The following ABL1 variants were observed in gnomAD, a reference collection of about 807,000 sequenced individuals.
ABL1 encodes tyrosine-protein kinase ABL1.
In ABL1, 11 loss-of-function variants were observed where a neutral mutation model predicts 94.7. The observed-to-expected ratio is 0.12, with a 90% CI of 0.07 to 0.19. The LOEUF is 0.19. ABL1 is among the 10% of genes least tolerant of loss of function. ABL1 has a pLI of 1.00. For missense variants in ABL1, 1,082 were observed against 1,489.4 expected (o/e 0.73, Z 4.50); for synonymous variants, 656 against 622.4 (o/e 1.05, Z -0.80).
At chr9:130,778,735 C>T (rs1304874275) in intron 1 of ABL1, among the ~76,000 whole-genome samples, 2 of 151,222 alleles carry the variant, frequency 1.3e-5, no homozygotes, top group African/African-American at 2.4e-5. Flanking sequence ...TGGTTTATAC[C>T]TTTTTTACTC....
intron 4 of ABL1, among the ~76,000 whole-genome samples, chr9:130,868,116 C>T (rs773097912): frequency 2.0e-4 from 30 of 152,102 alleles, no homozygotes; most frequent in African/African-American, 5.3e-4. Context: ...CCTGCGACCA[C>T]GCCGGCTAAT....
In ABL1 at chr9:130,784,046, G is replaced by C. The variant is rs189199882; in HGVS notation, c.136+69591G>C. 1.2e-3 allele frequency among the ~76,000 whole-genome samples: 181 copies of C among 152,244 alleles called. 2 individuals are homozygous for C. The Middle Eastern group carries it at 0.014, about 11-fold the overall frequency. ...CTTGATAAACAGTAAGTCCCATCTT[G>C]CTAGTTTCTTCTGTATTTCTCCAGG... On this transcript the variant is annotated intron_variant, in intron 1 of 10. Transcript: ENST00000372348.
At position 130,851,090 on chromosome 9, in the gene ABL1, A is replaced by AT. The variant is rs572144792; in HGVS notation, c.80-2967dup. Among the ~76,000 whole-genome samples, 26 of 151,498 alleles carry AT rather than the reference A, an allele frequency of 1.7e-4. No homozygotes were observed. In the South Asian group the frequency reaches 4.4e-3, roughly 26 times the overall value. On this transcript the variant is annotated intron_variant, in intron 1 of 10. Coordinates refer to ENST00000318560, the MANE Select transcript of ABL1 (RefSeq NM_005157.6). ...AGGTGCCCGCCACCACGCCCAGCTAATTTTTTTGTATTTTTAGTAGAGACG... is the reference window on the plus strand; with the variant it reads ...AGGTGCCCGCCACCACGCCCAGCTAATTTTTTTTGTATTTTTAGTAGAGACG...
At chr9:130,803,089 G>C (rs992253550) in intron 1 of ABL1, among the ~76,000 whole-genome samples, 1 of 152,006 alleles carries the variant, frequency 6.6e-6, no homozygotes, top group South Asian at 2.1e-4. Flanking sequence ...ACCCAGGCTG[G>C]AGTGCAATGG....
chr9:130,797,555 A>G (rs1829996339), intron 1 of ABL1, among the ~76,000 whole-genome samples: 1 of 152,152 alleles, frequency 6.6e-6, no homozygotes, highest in African/African-American at 2.4e-5. Context: ...TCATATTTTT[A>G]GTAGAGGCAG....
At chr9:130,821,616 A>G (rs1199111868) in intron 1 of ABL1, among the ~76,000 whole-genome samples, 1 of 150,920 alleles carries the variant, frequency 6.6e-6, no homozygotes, top group Non-Finnish European at 1.5e-5. Flanking sequence ...GTGTGGATAT[A>G]CATTTTCATT....
chr9:130,827,926 T>TAAATAAA (rs1830445770), intron 1 of ABL1, among the ~76,000 whole-genome samples: 1 of 144,986 alleles, frequency 6.9e-6, no homozygotes, highest in African/African-American at 2.6e-5. Context: ...AATAAATAAA[T>TAAATAAA]AAATAAATAA....
chr9:130,854,360 A>G, intron 2 of ABL1, 123 bp downstream of exon 2: 1 of 1,126,416 alleles, frequency 8.9e-7, no homozygotes, highest in South Asian at 1.6e-5. Context: ...AGGGATATCC[A>G]AAACAACAAC....
intron 1 of ABL1, among the ~76,000 whole-genome samples, chr9:130,715,277 T>C (rs1158768972): frequency 6.6e-6 from 1 of 152,244 alleles, no homozygotes; most frequent in Non-Finnish European, 1.5e-5. Flanking sequence ...TTAGGGTTAC[T>C]GTTTGTACTG....
intron 1 of ABL1, among the ~76,000 whole-genome samples, chr9:130,775,873 C>T (rs762707658): frequency 2.0e-5 from 3 of 152,162 alleles, no homozygotes; most frequent in African/African-American, 4.8e-5. Flanking sequence ...AAGGAGACTT[C>T]TCTACAGCAA....
chr9:130,848,517 CA>C (rs34492912), intron 1 of ABL1, among the ~76,000 whole-genome samples: 25,796 of 86,624 alleles, frequency 0.3, 2,521 homozygotes, highest in African/African-American at 0.43. Flanking sequence ...GACTCCAACT[CA>C]AAAAAAAAAA....
At chr9:130,854,316 C>T in intron 2 of ABL1, 79 bp downstream of exon 2, 2 of 1,501,452 alleles carry the variant, frequency 1.3e-6, no homozygotes, top group Non-Finnish European at 1.8e-6. Flanking sequence ...CCACCCTTTG[C>T]TCGTTAAAGG....
intron 1 of ABL1, among the ~76,000 whole-genome samples, chr9:130,851,337 C>T (rs1830859501): frequency 6.6e-6 from 1 of 152,086 alleles, no homozygotes; most frequent in African/African-American, 2.4e-5. Flanking sequence ...TTGCCCCCCG[C>T]CATTCAGAAA....
intron 1 of ABL1, among the ~76,000 whole-genome samples, chr9:130,758,350 G>A (rs980512058): frequency 6.6e-6 from 1 of 151,818 alleles, no homozygotes; most frequent in African/African-American, 2.4e-5. Context: ...AGTAGAGATG[G>A]GGTTTCACCG....
At chr9:130,770,613 A>G (rs1483306225) in intron 1 of ABL1, among the ~76,000 whole-genome samples, 1 of 152,238 alleles carries the variant, frequency 6.6e-6, no homozygotes, top group Admixed American at 6.5e-5. Flanking sequence ...TCAAACTTTT[A>G]ATTACTTGGC....
At chr9:130,815,591 C>T (rs1032486071) in intron 1 of ABL1, among the ~76,000 whole-genome samples, 3 of 152,154 alleles carry the variant, frequency 2.0e-5, no homozygotes, top group African/African-American at 7.2e-5. Context: ...TCATTAGCCT[C>T]TTGGCCAGGG....
intron 1 of ABL1, among the ~76,000 whole-genome samples, chr9:130,820,524 C>T (rs146453322): frequency 6.6e-6 from 1 of 151,548 alleles, no homozygotes; most frequent in Non-Finnish European, 1.5e-5. Context: ...TACAACCTTC[C>T]CCTCACACAC....
intron 6 of ABL1, among the ~76,000 whole-genome samples, chr9:130,874,657 C>T (rs1242276003): frequency 6.6e-6 from 1 of 152,236 alleles, no homozygotes; most frequent in Admixed American, 6.5e-5. Flanking sequence ...GGAGCCCGCT[C>T]CCAGCACCAG....
At chr9:130,735,446 TCC>T (rs1253797079) in intron 1 of ABL1, among the ~76,000 whole-genome samples, 1 of 151,722 alleles carries the variant, frequency 6.6e-6, no homozygotes, top group Non-Finnish European at 1.5e-5. Context: ...CTTTTCCTTC[TCC>T]TACTCCTCTG....
Sources: allele counts gnomAD v4.1 joint callset (sites outside exome capture counted in the v4.1 genomes callset), GRCh38; gene constraint gnomAD v4.1.1; transcripts MANE v1.5; gene names NCBI Gene and HGNC (gene_info 2026-07-23, HGNC 2026-07-21).